Variants in SNX3 observed in about 807,000 individuals in gnomAD.
SNX3 encodes the protein sorting nexin 3.
Under a neutral mutation model 17.7 loss-of-function variants are expected in SNX3, and 5 were observed. The observed-to-expected ratio is 0.28, with a 90% CI of 0.15 to 0.59. The LOEUF (loss-of-function observed/expected upper bound fraction) is 0.59, where lower values mean the gene tolerates loss of function less well. SNX3 is among the 20% of genes least tolerant of loss of function. The pLI, the probability that SNX3 is intolerant of heterozygous loss-of-function variation, is 0.88. For synonymous variants in SNX3, 91 were observed against 76.5 expected (o/e 1.19, Z -0.99); for missense variants, 132 against 206.8 (o/e 0.64, Z 2.22).
rs188243935 is a variant in SNX3, at chr6:108,212,344, A to G, written c.384-90T>C. On this transcript the variant is annotated intron_variant, in intron 3 of 3. Transcript: ENST00000230085. Reference sequence around the variant, plus strand: ...ATTTTAAAGTTGAGAAGCATGTATAATTTTTTTTTTTTTGAGATGGAGTCT... The same window carrying G: ...ATTTTAAAGTTGAGAAGCATGTATAGTTTTTTTTTTTTTGAGATGGAGTCT... 2.9e-4 allele frequency: 208 copies of G among 713,800 alleles called. 1 individual carries two copies. The African/African-American group carries it at 3.7e-3, about 13-fold the overall frequency. The allele number at this position is 713,800 out of a possible 1,614,324, so 44.2% of individuals were successfully genotyped here. A position where few individuals can be genotyped will look rare whatever the true frequency, so the allele number is the denominator to read the frequency against.
chr6:108,222,008 C>T (rs370943530), intron 2 of SNX3, among the ~76,000 whole-genome samples: 3 of 152,096 alleles, frequency 2.0e-5, no homozygotes, highest in Admixed American at 6.5e-5. Context: ...CCTCCTGACT[C>T]GGCCTACCAA....
chr6:108,213,693 A>G (rs993733422), intron 3 of SNX3, among the ~76,000 whole-genome samples: 2 of 152,108 alleles, frequency 1.3e-5, no homozygotes, highest in Non-Finnish European at 2.9e-5. Flanking sequence ...GCCTTCTCCA[A>G]AAGGAAAACA....
chr6:108,228,748 T>C (rs1288371241), intron 1 of SNX3, among the ~76,000 whole-genome samples: 2 of 151,896 alleles, frequency 1.3e-5, no homozygotes, highest in African/African-American at 2.4e-5. Flanking sequence ...CTCTATTAAA[T>C]ACACATAACT....
intron 1 of SNX3, among the ~76,000 whole-genome samples, chr6:108,254,284 G>A (rs1170239273): frequency 6.6e-6 from 1 of 151,708 alleles, no homozygotes; most frequent in African/African-American, 2.4e-5. Context: ...GGGCAACATG[G>A]AGAAACCCTG....
intron 1 of SNX3, among the ~76,000 whole-genome samples, chr6:108,256,100 T>C: frequency 6.6e-6 from 1 of 152,036 alleles, no homozygotes; most frequent in East Asian, 1.9e-4. Context: ...TGTGGTGGTA[T>C]GCGCCTGTGG....
intron 1 of SNX3, among the ~76,000 whole-genome samples, chr6:108,250,017 G>C (rs963265710): frequency 6.6e-6 from 1 of 152,036 alleles, no homozygotes; most frequent in African/African-American, 2.4e-5. Context: ...TTCAAGTGAT[G>C]CTCCCACCTC....
chr6:108,248,401 A>G (rs1281606762), intron 1 of SNX3, among the ~76,000 whole-genome samples: 1 of 152,202 alleles, frequency 6.6e-6, no homozygotes, highest in African/African-American at 2.4e-5. Context: ...GCCCTGTTTC[A>G]GGCTGCTGTG....
At chr6:108,247,065 C>T (rs1775714314) in intron 1 of SNX3, among the ~76,000 whole-genome samples, 1 of 152,106 alleles carries the variant, frequency 6.6e-6, no homozygotes, top group African/African-American at 2.4e-5. Flanking sequence ...GGGCAGTTCC[C>T]CTATGCTCTT....
intron 3 of SNX3, 117 bp from the exon 4 acceptor site, chr6:108,212,371 G>A: frequency 1.5e-6 from 1 of 649,228 alleles, no homozygotes; most frequent in Non-Finnish European, 2.6e-6. Flanking sequence ...ATGGAGTCTT[G>A]CTCTGTTGCA....
chr6:108,231,072 G>T (rs1241586819), intron 1 of SNX3, among the ~76,000 whole-genome samples: 1 of 151,258 alleles, frequency 6.6e-6, no homozygotes, highest in Non-Finnish European at 1.5e-5. Context: ...CGCGCTACAG[G>T]CACTTGGGCT....
intron 1 of SNX3, among the ~76,000 whole-genome samples, chr6:108,256,767 T>C (rs141652866): frequency 0.018 from 2,750 of 152,360 alleles, 41 homozygotes; most frequent in Middle Eastern, 0.075. Flanking sequence ...AAACAGTGAC[T>C]GAATTTTGCT....
At chr6:108,215,196 A>G in intron 2 of SNX3, among the ~76,000 whole-genome samples, 1 of 150,842 alleles carries the variant, frequency 6.6e-6, no homozygotes, top group East Asian at 2.0e-4. Context: ...AAAAAATACA[A>G]AAAATGAGCC....
At chr6:108,243,634 G>A (rs962712895) in intron 1 of SNX3, among the ~76,000 whole-genome samples, 6 of 152,138 alleles carry the variant, frequency 3.9e-5, no homozygotes, top group African/African-American at 1.4e-4. Context: ...GATAGTAAAT[G>A]AAATCCACAT....
chr6:108,233,853 T>G (rs1035998732), intron 1 of SNX3, among the ~76,000 whole-genome samples: 1 of 152,242 alleles, frequency 6.6e-6, no homozygotes, highest in Non-Finnish European at 1.5e-5. Context: ...GATAATATTT[T>G]ACCTCTTTAA....
chr6:108,250,073 G>A (rs1184171392), intron 1 of SNX3, among the ~76,000 whole-genome samples: 5 of 152,084 alleles, frequency 3.3e-5, no homozygotes, highest in Non-Finnish European at 7.4e-5. Flanking sequence ...ACCACAGCTG[G>A]CTAATTTTTG....
At chr6:108,217,828 T>C (rs754648483) in intron 2 of SNX3, among the ~76,000 whole-genome samples, 7 of 149,636 alleles carry the variant, frequency 4.7e-5, no homozygotes, top group African/African-American at 1.5e-4. Context: ...GGGTGAGAAA[T>C]AGGAGAATAT....
intron 1 of SNX3, among the ~76,000 whole-genome samples, chr6:108,231,220 G>A (rs1016912870): frequency 2.0e-5 from 3 of 152,096 alleles, no homozygotes; most frequent in Middle Eastern, 3.4e-3. Context: ...CGAGTAGCTG[G>A]GATTACAGGC....
At chr6:108,216,780 T>A (rs999386344) in intron 2 of SNX3, among the ~76,000 whole-genome samples, 1 of 151,974 alleles carries the variant, frequency 6.6e-6, no homozygotes, top group Non-Finnish European at 1.5e-5. Context: ...CGACTTCATA[T>A]AGATTAACAA....
At chr6:108,232,314 C>G (rs533554793) in intron 1 of SNX3, among the ~76,000 whole-genome samples, 125 of 152,224 alleles carry the variant, frequency 8.2e-4, no homozygotes, top group African/African-American at 2.9e-3. Flanking sequence ...GTAAGATCAT[C>G]AGGAATGCAA....
Sources: gnomAD v4.1 joint callset for allele counts (sites outside exome capture counted in the v4.1 genomes callset) on GRCh38, gnomAD v4.1.1 for gene constraint, MANE v1.5 for transcripts, NCBI Gene and HGNC (gene_info 2026-07-23, HGNC 2026-07-21) for gene names.